The following RNF169 variants were observed in gnomAD, a reference collection of about 807,000 sequenced individuals.
RNF169 encodes E3 ubiquitin-protein ligase RNF169.
In RNF169, 24 loss-of-function variants were observed where a neutral mutation model predicts 53.9. The observed-to-expected ratio is 0.45, with a 90% CI of 0.32 to 0.63. RNF169 has a LOEUF of 0.63. Among genes scored for constraint, RNF169 ranks in the 20% least tolerant of loss-of-function variants. RNF169 has a pLI of 0.04. For synonymous variants in RNF169, 396 were observed against 363.5 expected (o/e 1.09, Z -1.02); for missense variants, 883 against 906.2 (o/e 0.97, Z 0.33).
chr11:74,770,548 C>T (rs567810176), intron 1 of RNF169, among the ~76,000 whole-genome samples: 2 of 152,228 alleles, frequency 1.3e-5, no homozygotes, highest in South Asian at 2.1e-4. Context: ...ACCAGTAGCT[C>T]GCTATTTTTT....
At chr11:74,815,373 T>C (rs762337530) in intron 3 of RNF169, among the ~76,000 whole-genome samples, 1 of 152,170 alleles carries the variant, frequency 6.6e-6, no homozygotes, top group Non-Finnish European at 1.5e-5. Flanking sequence ...CTGGCCAGCA[T>C]GGTGAAACCC....
Position 74,749,284 on chromosome 11 carries a change from G to A in RNF169, c.404G>A (p.Arg135His). Residue 135 changes from arginine (R) to histidine (H), a missense_variant, in exon 1 of 6, where the codon CGC becomes CAC. Arg to His is a conservative substitution (Grantham distance 29). Coordinates refer to ENST00000299563, the MANE Select transcript of RNF169 (RefSeq NM_001098638.2). ...DSEVLGECAR[R>H]SQPERCRPRR... ...GAGGTGCTGGGCGAGTGCGCCCGCC[G>A]CAGCCAACCCGAGCGCTGCCGCCCG... 1 of 1,158,018 alleles carries A rather than the reference G, an allele frequency of 8.6e-7. No individual in the cohort carries two copies. Among genetic ancestry groups the A allele is most frequent in the Non-Finnish European group, 1.1e-6 (1 of 941,464 alleles). 71.7% of individuals were successfully genotyped at this position (1,158,018 alleles called of 1,614,324 possible).
chr11:74,830,225 A>G lies in RNF169; in HGVS notation c.843-4451A>G, dbSNP rs185687940. 1.5e-4 allele frequency among the ~76,000 whole-genome samples: 23 copies of G among 152,286 alleles called. No homozygotes were observed. In the East Asian group the frequency reaches 4.2e-3, roughly 28 times the overall value. On this transcript the variant is annotated intron_variant, in intron 4 of 5. Transcript: ENST00000299563. Reference sequence around the variant, plus strand: ...AGAGAATAGGAAAACAGTAGAATGAATGAAACCCAAAAGTTGGGTCCTTTG... The same window carrying G: ...AGAGAATAGGAAAACAGTAGAATGAGTGAAACCCAAAAGTTGGGTCCTTTG...
At chr11:74,774,674 G>A (rs980360685) in intron 1 of RNF169, among the ~76,000 whole-genome samples, 1 of 151,978 alleles carries the variant, frequency 6.6e-6, no homozygotes, top group Non-Finnish European at 1.5e-5. Flanking sequence ...AGAAAGCAAG[G>A]CCGGGTGTAG....
At chr11:74,801,981 G>T (rs483271) in intron 2 of RNF169, among the ~76,000 whole-genome samples, 40,051 of 152,034 alleles carry the variant, frequency 0.26, 5,512 homozygotes, top group South Asian at 0.42. Flanking sequence ...ACTGTTTCAG[G>T]TGCATCATTT....
chr11:74,749,090 G>C lies in RNF169; in HGVS notation c.210G>C (p.Gly70=), dbSNP rs2034840797. The C allele has an allele frequency of 1.4e-6, 2 of 1,443,548 alleles. No individual in the cohort carries two copies. Among genetic ancestry groups the C allele is most frequent in the Non-Finnish European group, 1.8e-6 (2 of 1,097,238 alleles). The allele number at this position is 1,443,548 out of a possible 1,614,324, so 89.4% of individuals were successfully genotyped here. The stretch of plus-strand genomic sequence containing the variant: ...GGCCGGAGGAATCGGGCTGCGCCGG[G>C]TGCCTGGAGCCCCCCGGAGAAGCAG... ...PPRPEESGCA[G]CLEPPGEAAA... is the part of the protein sequence containing the mutation. Residue 70 remains glycine (G), a synonymous_variant, in exon 1 of 6, where the codon GGG becomes GGC. Coordinates refer to ENST00000299563, the MANE Select transcript of RNF169 (RefSeq NM_001098638.2).
intron 2 of RNF169, among the ~76,000 whole-genome samples, chr11:74,795,370 C>T (rs749602479): frequency 2.6e-5 from 4 of 151,618 alleles, no homozygotes; most frequent in Admixed American, 6.6e-5. Flanking sequence ...CAGGCACATG[C>T]CACCATGCCC....
intron 3 of RNF169, among the ~76,000 whole-genome samples, chr11:74,812,445 C>G (rs950450356): frequency 6.6e-6 from 1 of 152,074 alleles, no homozygotes; most frequent in Admixed American, 6.6e-5. Flanking sequence ...CAGCTGTGTA[C>G]CACCATGGCT....
chr11:74,769,551 G>A (rs1383924456), intron 1 of RNF169, among the ~76,000 whole-genome samples: 3 of 152,276 alleles, frequency 2.0e-5, no homozygotes, highest in African/African-American at 7.2e-5. Flanking sequence ...CAGCACTGTA[G>A]TACTAGAAAA....
Position 74,833,324 on chromosome 11 carries a change from A to G in RNF169, c.843-1352A>G, listed in dbSNP as rs76086058. On this transcript the variant is annotated intron_variant, in intron 4 of 5. Transcript: ENST00000299563. ...CTCTGAAAACAAGTCTTTTGCTACAAAAGAGTAGATATGATGCGTTCCATT... is the reference window on the plus strand; with the variant it reads ...CTCTGAAAACAAGTCTTTTGCTACAGAAGAGTAGATATGATGCGTTCCATT... 5.9e-5 allele frequency among the ~76,000 whole-genome samples: 9 copies of G among 152,346 alleles called. No homozygotes were observed. The East Asian group carries it at 1.5e-3, about 26-fold the overall frequency.
At chr11:74,776,009 G>A (rs1487817283) in intron 1 of RNF169, among the ~76,000 whole-genome samples, 1 of 152,092 alleles carries the variant, frequency 6.6e-6, no homozygotes, top group Non-Finnish European at 1.5e-5. Context: ...CTTTAAATAT[G>A]CCACTCAGAA....
intron 2 of RNF169, among the ~76,000 whole-genome samples, chr11:74,793,447 T>C (rs1393632581): frequency 2.0e-5 from 3 of 152,266 alleles, no homozygotes; most frequent in South Asian, 2.1e-4. Context: ...TAAAAACCTC[T>C]ATAAAGGCTG....
intron 1 of RNF169, among the ~76,000 whole-genome samples, chr11:74,788,672 G>GGT (rs1281246205): frequency 6.6e-6 from 1 of 152,186 alleles, no homozygotes; most frequent in East Asian, 1.9e-4. Flanking sequence ...TTGGATTACA[G>GGT]GTGTGTGCCT....
intron 4 of RNF169, among the ~76,000 whole-genome samples, chr11:74,821,194 A>T (rs916634092): frequency 5.3e-5 from 8 of 152,154 alleles, no homozygotes; most frequent in African/African-American, 1.4e-4. Flanking sequence ...TCCATTTTTT[A>T]AAAAAATAAT....
chr11:74,810,908 C>G (rs1282651615), intron 3 of RNF169, among the ~76,000 whole-genome samples: 5 of 152,174 alleles, frequency 3.3e-5, no homozygotes, highest in African/African-American at 1.2e-4. Flanking sequence ...GGAGGATCCA[C>G]TAATTATACC....
Position 74,748,873 on chromosome 11 carries a change from G to C in RNF169, c.-8G>C. 32 of 1,406,884 alleles carry C rather than the reference G, an allele frequency of 2.3e-5. No individual in the cohort carries two copies. The highest frequency in any genetic ancestry group is 3.0e-5 in the Non-Finnish European group (32 of 1,069,136). The allele number at this position is 1,406,884 out of a possible 1,614,324, so 87.2% of individuals were successfully genotyped here. ...CGCAACCGACTCTCCCTTCAAACGGGAAACAAGATGGCGGCTGCAGGTCCG... is the reference window on the plus strand; with the variant it reads ...CGCAACCGACTCTCCCTTCAAACGGCAAACAAGATGGCGGCTGCAGGTCCG... On this transcript the variant is annotated 5_prime_UTR_variant, in exon 1 of 6. Transcript: ENST00000299563.
At chr11:74,822,255 T>A (rs913456029) in intron 4 of RNF169, among the ~76,000 whole-genome samples, 12 of 152,254 alleles carry the variant, frequency 7.9e-5, no homozygotes, top group Middle Eastern at 3.4e-3. Flanking sequence ...ACGTTTTATA[T>A]CTTGTATGGC....
intron 1 of RNF169, among the ~76,000 whole-genome samples, chr11:74,771,109 C>T (rs1306803411): frequency 6.6e-6 from 1 of 151,930 alleles, no homozygotes; most frequent in East Asian, 1.9e-4. Context: ...TGCCTGGCCT[C>T]CATGTGCATT....
At position 74,821,645 on chromosome 11, in the gene RNF169, G is replaced by A. The variant is rs1376432931; in HGVS notation, c.842+3931G>A. Among the ~76,000 whole-genome samples, 4 of 49,256 alleles carry A rather than the reference G, an allele frequency of 8.1e-5. No individual in the cohort carries two copies. The South Asian group carries it at 3.1e-3, about 38-fold the overall frequency. The allele number at this position is 49,256 out of a possible 152,430, so 32.3% of individuals were successfully genotyped here. On this transcript the variant is annotated intron_variant, in intron 4 of 5. Transcript: ENST00000299563. Reference sequence around the variant, plus strand: ...TGCACTCCAGCCTGGGCGACAGAGCGAGACTCCGTCTCAAAAAAAAAAAAA... The same window carrying A: ...TGCACTCCAGCCTGGGCGACAGAGCAAGACTCCGTCTCAAAAAAAAAAAAA...
Sources: allele counts gnomAD v4.1 joint callset (sites outside exome capture counted in the v4.1 genomes callset), GRCh38; gene constraint gnomAD v4.1.1; transcripts MANE v1.5; gene names NCBI Gene and HGNC (gene_info 2026-07-23, HGNC 2026-07-21).